The following UBXN2B variants were observed in gnomAD, a reference collection of about 807,000 sequenced individuals.
UBXN2B encodes UBX domain protein 2B.
UBXN2B carries 19 observed loss-of-function variants against 37.5 expected under a neutral mutation model. The observed-to-expected ratio is 0.51, with a 90% CI of 0.35 to 0.74. UBXN2B has a LOEUF of 0.74. UBXN2B is among the 30% of genes least tolerant of loss of function. The probability of loss-of-function intolerance (pLI) is 0.01; values close to 1 mark genes in which losing one functional copy is unlikely to be tolerated. For missense variants in UBXN2B, 370 were observed against 393.2 expected (o/e 0.94, Z 0.50); for synonymous variants, 145 against 143.8 (o/e 1.01, Z -0.06).
In UBXN2B at chr8:58,434,503, G is replaced by C; in HGVS notation, c.532G>C (p.Gly178Arg). 4 of 1,534,872 alleles carry C rather than the reference G, an allele frequency of 2.6e-6. No homozygotes were observed. Among genetic ancestry groups the C allele is most frequent in the South Asian group, 1.3e-5 (1 of 78,070 alleles). Reference sequence around the variant, plus strand: ...TCAATTTCTGGAGTCTGTTAAGAGAGGGTAAGATGTATTATTTGTATTCTA... The same window carrying C: ...TCAATTTCTGGAGTCTGTTAAGAGACGGTAAGATGTATTATTTGTATTCTA... ...NAQFLESVKRGEIPLELQRLV... is the reference protein window; with the variant it reads ...NAQFLESVKRREIPLELQRLV... Residue 178 changes from glycine to arginine, a missense_variant and splice_region_variant, in exon 5 of 8, where the codon GGA becomes CGA. By Grantham distance (125) the Gly-to-Arg change is moderately radical (BLOSUM62 -2). Transcript: ENST00000399598.
chr8:58,415,511 T>A (rs377018516), intron 1 of UBXN2B, among the ~76,000 whole-genome samples: 1 of 151,944 alleles, frequency 6.6e-6, no homozygotes, highest in Non-Finnish European at 1.5e-5. Context: ...TAAGGAGATA[T>A]AACACTGTAG....
In UBXN2B at chr8:58,447,544, TAA is replaced by T; in HGVS notation, c.992_993del (p.Lys331IlefsTer9). The T allele has an allele frequency of 6.2e-7, 1 of 1,609,368 alleles. No individual in the cohort carries two copies. Among genetic ancestry groups the T allele is most frequent in the Non-Finnish European group, 8.5e-7 (1 of 1,177,188 alleles). ...CTTAACACTGTGTTACTCCAGCAAC[TAA>T]AATAATATTGTTCCTGTCCATGCAG... On this transcript the variant is annotated frameshift_variant, in exon 8 of 8. Transcript: ENST00000399598. LOFTEE classifies it high-confidence loss of function.
chr8:58,424,521 G>A, intron 2 of UBXN2B: 2 of 777,158 alleles, frequency 2.6e-6, no homozygotes, highest in South Asian at 1.6e-5. Flanking sequence ...TCTTGCGAAA[G>A]TTTGATCTTT....
intron 6 of UBXN2B, among the ~76,000 whole-genome samples, chr8:58,443,511 G>T (rs1808599057): frequency 7.0e-6 from 1 of 143,784 alleles, no homozygotes; most frequent in South Asian, 2.1e-4. Flanking sequence ...AACATAACTT[G>T]CATGGGCACA....
intron 2 of UBXN2B, chr8:58,425,825 A>G: frequency 8.5e-7 from 1 of 1,172,038 alleles, no homozygotes; most frequent in East Asian, 2.3e-5. Flanking sequence ...TCCTCCACCA[A>G]CATCGTATTT....
At chr8:58,425,048 C>G in intron 2 of UBXN2B, 2 of 782,738 alleles carry the variant, frequency 2.6e-6, no homozygotes, top group Admixed American at 1.7e-5. Flanking sequence ...TTATGGTGCA[C>G]CTCCTCCAGG....
chr8:58,424,236 A>T (rs1808012552), intron 2 of UBXN2B, among the ~76,000 whole-genome samples: 1 of 152,046 alleles, frequency 6.6e-6, no homozygotes, highest in African/African-American at 2.4e-5. Flanking sequence ...AAAAGAAAAA[A>T]AAAAAAAAGC....
At chr8:58,440,745 G>A (rs1223114209) in intron 6 of UBXN2B, among the ~76,000 whole-genome samples, 1 of 152,014 alleles carries the variant, frequency 6.6e-6, no homozygotes, top group East Asian at 1.9e-4. Context: ...GTGTACACTG[G>A]TTGTCTATTC....
At chr8:58,420,868 AAAGCT>A (rs1489180541) in intron 2 of UBXN2B, among the ~76,000 whole-genome samples, 22 of 152,374 alleles carry the variant, frequency 1.4e-4, no homozygotes, top group African/African-American at 5.0e-4. Context: ...GGAAGAAGGA[AAAGCT>A]ATTTCAATAA....
chr8:58,430,389 A>G, intron 2 of UBXN2B, 130 bp from the exon 3 acceptor site: 1 of 583,092 alleles, frequency 1.7e-6, no homozygotes, highest in Non-Finnish European at 2.6e-6. Context: ...AAAATTAAAT[A>G]TTCTCATAGA....
chr8:58,440,020 G>A (rs1258711950), intron 6 of UBXN2B, among the ~76,000 whole-genome samples: 5 of 152,098 alleles, frequency 3.3e-5, no homozygotes, highest in Admixed American at 1.3e-4. Context: ...CCTCTAAGCC[G>A]TATACATGTG....
rs527973817 is a variant in UBXN2B at position 58,445,575 on chromosome 8, A to C, written c.672-332A>C. Among the ~76,000 whole-genome samples, 148 of 152,270 alleles carry C rather than the reference A, an allele frequency of 9.7e-4. 1 individual carries two copies. Among genetic ancestry groups the C allele is most frequent in the Non-Finnish European group, 1.7e-3 (117 of 68,004 alleles). On this transcript the variant is annotated intron_variant, in intron 6 of 7. Transcript: ENST00000399598. ...GTACTTACTCAACTTTACACAGTTG[A>C]CATGGCTGGGATGTGAAACCATGTC... is the stretch of plus-strand genomic sequence containing the variant.
chr8:58,444,502 T>G (rs1006553075), intron 6 of UBXN2B, among the ~76,000 whole-genome samples: 2 of 152,154 alleles, frequency 1.3e-5, no homozygotes, highest in Admixed American at 6.5e-5. Context: ...GTAAATGAAA[T>G]AATGCATGTG....
intron 2 of UBXN2B, chr8:58,424,581 G>A (rs1369017565): frequency 1.9e-6 from 2 of 1,070,678 alleles, no homozygotes; most frequent in African/African-American, 3.1e-5. Flanking sequence ...AGTTTTGGCA[G>A]ATTTTCTCAT....
intron 2 of UBXN2B, among the ~76,000 whole-genome samples, chr8:58,423,750 T>A (rs1807996994): frequency 6.6e-6 from 1 of 151,672 alleles, no homozygotes. Context: ...TGGGTTTTTT[T>A]TTTTAAGCCA....
At chr8:58,420,387 TG>T (rs1807894624) in intron 2 of UBXN2B, among the ~76,000 whole-genome samples, 1 of 152,164 alleles carries the variant, frequency 6.6e-6, no homozygotes, top group South Asian at 2.1e-4. Context: ...ATAATGTAAG[TG>T]GGCAAAAAGG....
At chr8:58,441,348 C>CGTGTGT (rs1242681481) in intron 6 of UBXN2B, among the ~76,000 whole-genome samples, 4 of 104,656 alleles carry the variant, frequency 3.8e-5, no homozygotes, top group African/African-American at 1.6e-4. Context: ...TTGTGATCAA[C>CGTGTGT]ATATATATAT....
chr8:58,445,798 AAAG>A (rs1312759705), intron 6 of UBXN2B, 106 bp from the exon 7 acceptor site: 1 of 907,966 alleles, frequency 1.1e-6, no homozygotes, highest in Non-Finnish European at 1.5e-6. Context: ...AAAGAGGTTG[AAAG>A]AAGTATAGGA....
intron 2 of UBXN2B, 61 bp from the exon 3 acceptor site, chr8:58,430,458 T>C: frequency 8.1e-7 from 1 of 1,232,296 alleles, no homozygotes; most frequent in South Asian, 2.6e-5. Context: ...ACTATGTAGC[T>C]TTTTACTTCA....
Sources: gnomAD v4.1 joint callset for allele counts (sites outside exome capture counted in the v4.1 genomes callset) on GRCh38, gnomAD v4.1.1 for gene constraint, MANE v1.5 for transcripts, NCBI Gene and HGNC (gene_info 2026-07-23, HGNC 2026-07-21) for gene names.